CFI: variants seen among roughly 807,000 people sequenced by gnomAD.
CFI encodes the protein complement factor I, also known as C3B/C4B inactivator.
In CFI, 66 loss-of-function variants were observed where a neutral mutation model predicts 78.8. The observed-to-expected ratio is 0.84, with a 90% CI of 0.69 to 1.03. The LOEUF is 1.03. Ranked by LOEUF, CFI falls within the 50% of genes least tolerant of loss-of-function variation. CFI has a pLI of 0.00. For synonymous variants in CFI, 250 were observed against 232.6 expected (o/e 1.07, Z -0.68); for missense variants, 706 against 704.5 (o/e 1.00, Z -0.02).
At position 109,760,293 on chromosome 4, in the gene CFI, C is replaced by A; in HGVS notation, c.860G>T (p.Gly287Val). Reference sequence around the variant, plus strand: ...ACCTGCACAGCCAACTTCATCTTCCCCTGTAATGCAGTCCACCTCACCATT... The same window carrying A: ...ACCTGCACAGCCAACTTCATCTTCCACTGTAATGCAGTCCACCTCACCATT... ...QCNGEVDCITGEDEVGCAGFA... is the reference protein window; with the variant it reads ...QCNGEVDCITVEDEVGCAGFA... The change falls in exon 6 of 13, where the codon GGG (glycine) becomes GTG (valine). Residue 287 changes from glycine (G) to valine (V), a missense_variant. By Grantham distance (109) the Gly-to-Val change is moderately radical (BLOSUM62 -3). Transcript: ENST00000394634. 1 of 1,613,862 alleles carries A rather than the reference C, an allele frequency of 6.2e-7. No homozygotes were observed. Among genetic ancestry groups the A allele is most frequent in the Non-Finnish European group, 8.5e-7 (1 of 1,179,752 alleles).
At chr4:109,789,023 G>C (rs772911649) in intron 1 of CFI, among the ~76,000 whole-genome samples, 97 of 151,920 alleles carry the variant, frequency 6.4e-4, no homozygotes, top group Admixed American at 1.2e-3. Context: ...AGACACAGAT[G>C]ATATGAAAAG....
At chr4:109,774,397 G>A (rs1261558463) in intron 1 of CFI, among the ~76,000 whole-genome samples, 3 of 149,156 alleles carry the variant, frequency 2.0e-5, no homozygotes, top group Non-Finnish European at 4.4e-5. Context: ...GGAACCTGAA[G>A]GTGAGGGAGC....
chr4:109,740,726 A>G lies in CFI; in HGVS notation c.*167T>C. Reference sequence around the variant, plus strand: ...TCACCAAAATATTTATTTGAGAATTATACAACAAAATTCCAATATGGCATA... The same window carrying G: ...TCACCAAAATATTTATTTGAGAATTGTACAACAAAATTCCAATATGGCATA... On this transcript the variant is annotated 3_prime_UTR_variant, in exon 13 of 13. Coordinates refer to ENST00000394634, the MANE Select transcript of CFI (RefSeq NM_000204.5). 1.4e-6 allele frequency: 1 copy of G among 717,050 alleles called. No homozygotes were observed. The highest frequency in any genetic ancestry group is 1.6e-5 in the South Asian group (1 of 63,048). The allele number at this position is 717,050 out of a possible 1,614,324, so 44.4% of individuals were successfully genotyped here.
In CFI at chr4:109,789,249, A is replaced by C. The variant is rs557085331; in HGVS notation, c.57+12666T>G. Among the ~76,000 whole-genome samples the C allele has an allele frequency of 7.9e-5, 12 of 152,144 alleles. No homozygotes were observed. In the South Asian group the frequency reaches 2.5e-3, roughly 32 times the overall value. The stretch of plus-strand genomic sequence containing the variant: ...ACATATGTAATTGGAGCCTCCAAAA[A>C]AGAGGACAAAATGAGGGAACAAAAA... On this transcript the variant is annotated intron_variant, in intron 1 of 12. Coordinates refer to ENST00000394634, the MANE Select transcript of CFI (RefSeq NM_000204.5).
intron 1 of CFI, among the ~76,000 whole-genome samples, chr4:109,775,229 C>G (rs1729071842): frequency 6.6e-6 from 1 of 152,178 alleles, no homozygotes; most frequent in South Asian, 2.1e-4. Context: ...TGCAAGGGGT[C>G]AGGGAATTCC....
chr4:109,790,546 C>T (rs1374626352), intron 1 of CFI, among the ~76,000 whole-genome samples: 1 of 152,032 alleles, frequency 6.6e-6, no homozygotes, highest in African/African-American at 2.4e-5. Context: ...AGGTATTAAG[C>T]CTAGTAACCA....
intron 1 of CFI, among the ~76,000 whole-genome samples, chr4:109,768,017 C>T (rs1172500096): frequency 1.3e-5 from 2 of 151,274 alleles, no homozygotes; most frequent in African/African-American, 4.8e-5. Flanking sequence ...TCATTCTCAG[C>T]AAACTATTGC....
intron 7 of CFI, among the ~76,000 whole-genome samples, chr4:109,753,839 T>G (rs1460987877): frequency 6.5e-5 from 2 of 30,708 alleles, no homozygotes; most frequent in African/African-American, 1.1e-4. Flanking sequence ...TTATATAATG[T>G]ATAATCTTAT....
intron 1 of CFI, among the ~76,000 whole-genome samples, chr4:109,775,073 T>A (rs1729048521): frequency 6.6e-6 from 1 of 152,114 alleles, no homozygotes; most frequent in Admixed American, 6.6e-5. Context: ...TAGGAACAGC[T>A]CCAGTCTGCA....
At chr4:109,786,390 CT>C (rs199740031) in intron 1 of CFI, among the ~76,000 whole-genome samples, 3 of 151,958 alleles carry the variant, frequency 2.0e-5, no homozygotes, top group African/African-American at 7.3e-5. Context: ...TAAACTTTAT[CT>C]TTTTTTTCTC....
At chr4:109,776,592 C>T (rs1423599883) in intron 1 of CFI, among the ~76,000 whole-genome samples, 2 of 152,158 alleles carry the variant, frequency 1.3e-5, no homozygotes, top group Non-Finnish European at 2.9e-5. Context: ...GCAAGGCAGG[C>T]CAACATTCAA....
chr4:109,801,948 C>T lies in CFI; in HGVS notation c.24G>A (p.Leu8=). 1 of 1,612,668 alleles carries T rather than the reference C, an allele frequency of 6.2e-7. No homozygotes were observed. Among genetic ancestry groups the T allele is most frequent in the Non-Finnish European group, 8.5e-7 (1 of 1,179,014 alleles). The change falls in exon 1 of 13, where the codon CTG becomes CTA. Residue 8 remains leucine, a synonymous_variant. Transcript: ENST00000394634. ...ACCTTAAGTGGAAGCACAGAAATAA[C>T]AGGAAAACATGAAGAAGCTTCATGT... MKLLHVF[L]LFLCFHLRFC... is the part of the protein sequence containing the mutation.
intron 1 of CFI, among the ~76,000 whole-genome samples, chr4:109,801,536 A>G (rs2125882684): frequency 6.6e-6 from 1 of 152,272 alleles, no homozygotes; most frequent in South Asian, 2.1e-4. Flanking sequence ...CCCTTTCTAT[A>G]ACTATAGAGC....
intron 1 of CFI, among the ~76,000 whole-genome samples, chr4:109,770,349 C>T (rs62324925): frequency 0.041 from 6,180 of 151,944 alleles, 183 homozygotes; most frequent in South Asian, 0.1. Flanking sequence ...CAGTTGAGGT[C>T]GGGAGTTTGA....
At chr4:109,732,442 C>T in the CFI span, among the ~76,000 whole-genome samples, 4 of 152,150 alleles carry the variant, frequency 2.6e-5, no homozygotes, top group Admixed American at 6.5e-5. Flanking sequence ...ACAAGGTTTA[C>T]GTTTTCCTCT....
chr4:109,790,120 C>T (rs2125861985), intron 1 of CFI, among the ~76,000 whole-genome samples: 1 of 152,052 alleles, frequency 6.6e-6, no homozygotes, highest in South Asian at 2.1e-4. Context: ...ATAGCATTCT[C>T]TTATCATTCT....
At chr4:109,783,453 G>A (rs373789955) in intron 1 of CFI, among the ~76,000 whole-genome samples, 54 of 152,100 alleles carry the variant, frequency 3.6e-4, no homozygotes, top group African/African-American at 1.2e-3. Flanking sequence ...CCAGGGAAAT[G>A]CAAATCAAAA....
chr4:109,739,559 G>C (rs1723588007), downstream of CFI, among the ~76,000 whole-genome samples: 1 of 152,080 alleles, frequency 6.6e-6, no homozygotes, highest in African/African-American at 2.4e-5. Flanking sequence ...ATTTTCTGTA[G>C]GTTAAGAAAG....
chr4:109,793,354 T>C (rs1488797169), intron 1 of CFI: 1 of 152,214 alleles, frequency 6.6e-6, no homozygotes, highest in Non-Finnish European at 1.5e-5. Flanking sequence ...TTAACTCATG[T>C]GGGAAAGGAA....
Sources: gnomAD v4.1 joint callset for allele counts (sites outside exome capture counted in the v4.1 genomes callset) on GRCh38, gnomAD v4.1.1 for gene constraint, MANE v1.5 for transcripts, NCBI Gene and HGNC (gene_info 2026-07-23, HGNC 2026-07-21) for gene names.